The following HDAC4 variants were observed in gnomAD, a reference collection of about 807,000 sequenced individuals.
HDAC4 encodes the protein histone deacetylase A.
In HDAC4, 16 loss-of-function variants were observed where a neutral mutation model predicts 135.1. The ratio of observed to expected loss-of-function variants is 0.12; its 90% CI spans 0.08 to 0.18. The LOEUF (loss-of-function observed/expected upper bound fraction) is 0.18, where lower values mean the gene tolerates loss of function less well. HDAC4 is among the 10% of genes least tolerant of loss of function. HDAC4 has a pLI of 1.00. For synonymous variants in HDAC4, 685 were observed against 653.4 expected (o/e 1.05, Z -0.74); for missense variants, 1,143 against 1,511.8 (o/e 0.76, Z 4.05).
chr2:239,250,091 C>T (rs768474854), intron 2 of HDAC4, among the ~76,000 whole-genome samples: 2 of 152,238 alleles, frequency 1.3e-5, no homozygotes, highest in Admixed American at 6.5e-5. Context: ...CCTCTCCCAT[C>T]GGAATTGCAG....
chr2:239,128,568 A>G (rs1044389929), intron 11 of HDAC4, among the ~76,000 whole-genome samples: 2 of 152,168 alleles, frequency 1.3e-5, no homozygotes, highest in African/African-American at 2.4e-5. Context: ...GAATTTTTCA[A>G]TTGTTGACGT....
chr2:239,298,155 A>G, intron 2 of HDAC4: 1 of 1,246,108 alleles, frequency 8.0e-7, no homozygotes. Context: ...AAACCAAATA[A>G]TTCTCCTCAC....
At chr2:239,094,762 C>T (rs2152737528) in intron 17 of HDAC4, 15 of 1,358,640 alleles carry the variant, frequency 1.1e-5, no homozygotes, top group South Asian at 3.0e-5. Context: ...TTTCTTAAAG[C>T]GAGAGCCACT....
At chr2:239,298,171 A>G (rs2125587920) in intron 2 of HDAC4, 1 of 1,276,844 alleles carries the variant, frequency 7.8e-7, no homozygotes, top group East Asian at 5.6e-5. Flanking sequence ...CTCACCAAAC[A>G]TTTGCTGACA....
chr2:239,306,809 T>C lies in HDAC4; in HGVS notation c.22+45869A>G, dbSNP rs2125674917. ...AGCCAACAACCGGGAGACCCTGGCC[T>C]GGTTTCCCACACACCCCCGAGGAGC... On this transcript the variant is annotated intron_variant, in intron 2 of 26. Coordinates refer to ENST00000543185, the MANE Select transcript of HDAC4 (RefSeq NM_001378414.1). The surrounding 1 kb of genome is among the most constrained non-coding windows in gnomAD (Gnocchi z 4.5). 6.6e-6 allele frequency among the ~76,000 whole-genome samples: 1 copy of C among 152,168 alleles called. No individual in the cohort carries two copies. The highest frequency in any genetic ancestry group is 3.4e-3 in the Middle Eastern group (1 of 294).
chr2:239,257,001 C>G (rs529468249), intron 2 of HDAC4, among the ~76,000 whole-genome samples: 2 of 152,206 alleles, frequency 1.3e-5, no homozygotes, highest in South Asian at 4.1e-4. Context: ...AACACCTATT[C>G]TCACATAAAC....
intron 17 of HDAC4, among the ~76,000 whole-genome samples, chr2:239,092,861 GTTTTC>G (rs2036647844): frequency 6.7e-6 from 1 of 149,800 alleles, no homozygotes; most frequent in African/African-American, 2.5e-5. Context: ...TTTTTTTTTT[GTTTTC>G]TTTTCCTTTC....
At chr2:239,185,072 C>T (rs1209933443) in intron 4 of HDAC4, among the ~76,000 whole-genome samples, 1 of 107,112 alleles carries the variant, frequency 9.3e-6, no homozygotes, top group African/African-American at 3.1e-5. Flanking sequence ...AGGCTGTGCC[C>T]TATGGGTGGG....
rs143747800 is a variant in HDAC4 at position 239,118,493 on chromosome 2, C to T, written c.1534-3183G>A. Among the ~76,000 whole-genome samples the T allele has an allele frequency of 1.4e-3, 216 of 152,158 alleles. 1 individual carries two copies. Among genetic ancestry groups the T allele is most frequent in the African/African-American group, 4.4e-3 (182 of 41,514 alleles). On this transcript the variant is annotated intron_variant, in intron 12 of 26. Coordinates refer to ENST00000543185, the MANE Select transcript of HDAC4 (RefSeq NM_001378414.1). ...GGAGGAGAGTGCAGCGGTGGGTGGC[C>T]GCGCGTCGGGAACAGGAACGTGCTG...
upstream of HDAC4, chr2:239,401,617 G>T (rs1559411897): frequency 4.0e-6 from 1 of 250,868 alleles, no homozygotes; most frequent in Non-Finnish European, 7.8e-6. Flanking sequence ...GAGCCGGCCA[G>T]GCCTCGCCGC....
chr2:239,207,504 AAAG>A (rs2046113179), intron 3 of HDAC4, among the ~76,000 whole-genome samples: 1 of 152,228 alleles, frequency 6.6e-6, no homozygotes, highest in Non-Finnish European at 1.5e-5. Context: ...TAGAAAATAA[AAAG>A]AATAGGCACA....
chr2:239,133,098 G>A (rs1374705174), intron 11 of HDAC4, among the ~76,000 whole-genome samples: 1 of 152,196 alleles, frequency 6.6e-6, no homozygotes, highest in African/African-American at 2.4e-5. Flanking sequence ...ACAGAAAGGG[G>A]CTCAGGCACA....
At chr2:239,211,947 G>A (rs2046372590) in intron 3 of HDAC4, among the ~76,000 whole-genome samples, 1 of 152,106 alleles carries the variant, frequency 6.6e-6, no homozygotes, top group Non-Finnish European at 1.5e-5. Flanking sequence ...TTAGACTTCA[G>A]CGTGAAGGTA....
chr2:239,346,671 AAAAC>A (rs1204285309), intron 2 of HDAC4, among the ~76,000 whole-genome samples: 1 of 150,174 alleles, frequency 6.7e-6, no homozygotes, highest in Non-Finnish European at 1.5e-5. Flanking sequence ...AATACAGTCT[AAAAC>A]ACACACACTG....
intron 6 of HDAC4, among the ~76,000 whole-genome samples, chr2:239,162,646 ACTC>A (rs1013030289): frequency 6.6e-6 from 1 of 151,710 alleles, no homozygotes; most frequent in Non-Finnish European, 1.5e-5. Context: ...CGCCGGTCTC[ACTC>A]CTCCTTGCAA....
intron 1 of HDAC4, among the ~76,000 whole-genome samples, chr2:239,379,713 G>T (rs1695278689): frequency 1.3e-5 from 2 of 152,310 alleles, no homozygotes; most frequent in African/African-American, 4.8e-5. Context: ...CCCCAGGGTG[G>T]GGTAAGCGCC....
intron 3 of HDAC4, among the ~76,000 whole-genome samples, chr2:239,208,555 A>G (rs2046193551): frequency 6.6e-6 from 1 of 152,154 alleles, no homozygotes; most frequent in African/African-American, 2.4e-5. Context: ...ATTGCTTTTA[A>G]TGGTGAATCC....
rs76278115 is a variant in HDAC4, at chr2:239,375,921, C to T, written c.-219-23003G>A. ...GGGGGTGCCTGGCAGTCACCCCACC[C>T]GACTGCGAGTGTCACCTGGACCACG... On this transcript the variant is annotated intron_variant, in intron 1 of 26. Transcript: ENST00000543185. 0.014 allele frequency among the ~76,000 whole-genome samples: 2,112 copies of T among 152,324 alleles called. 111 individuals are homozygous for T. The East Asian group carries it at 0.14, about 10-fold the overall frequency.
At chr2:239,381,583 G>A (rs1398855423) in intron 1 of HDAC4, among the ~76,000 whole-genome samples, 4 of 152,184 alleles carry the variant, frequency 2.6e-5, no homozygotes, top group African/African-American at 9.7e-5. Context: ...TTCTATGACT[G>A]TACAGTGGAA....
Sources: gnomAD v4.1 joint callset for allele counts (sites outside exome capture counted in the v4.1 genomes callset) on GRCh38, gnomAD v4.1.1 for gene constraint, Gnocchi (gnomAD v3.1) non-coding constraint, MANE v1.5 for transcripts, NCBI Gene and HGNC (gene_info 2026-07-23, HGNC 2026-07-21) for gene names.